The following REV3L variants were observed in gnomAD, a reference collection of about 807,000 sequenced individuals.
The protein encoded by REV3L is DNA polymerase zeta catalytic subunit.
Under a neutral mutation model 299.4 loss-of-function variants are expected in REV3L, and 69 were observed. That is an observed-to-expected ratio of 0.23 (90% CI 0.19 to 0.28). The LOEUF (loss-of-function observed/expected upper bound fraction) is 0.28, where lower values mean the gene tolerates loss of function less well. REV3L is among the 10% of genes least tolerant of loss of function. The probability of loss-of-function intolerance (pLI) is 1.00; values close to 1 mark genes in which losing one functional copy is unlikely to be tolerated. For synonymous variants in REV3L, 1,238 were observed against 1,271.4 expected (o/e 0.97, Z 0.56); for missense variants, 3,128 against 3,693.8 (o/e 0.85, Z 3.97).
intron 16 of REV3L, among the ~76,000 whole-genome samples, chr6:111,363,027 A>T (rs745995379): frequency 6.6e-6 from 1 of 152,194 alleles, no homozygotes; most frequent in African/African-American, 2.4e-5. Flanking sequence ...TGTTTTCTGC[A>T]TACAAATAAA....
chr6:111,375,354 C>T lies in REV3L; in HGVS notation c.3001G>A (p.Glu1001Lys), dbSNP rs765298342. The T allele has an allele frequency of 6.9e-5, 109 of 1,585,718 alleles. No individual in the cohort carries two copies. The highest frequency in any genetic ancestry group is 9.1e-5 in the Non-Finnish European group (107 of 1,171,808). ...TCTTCTGTTAATATTACTTGTTTTT[C>T]TTTAGAGTCTATTTTTCCTAGCTTC... ...LVKLGKIDSK[E>K]KQVILTEEKM... The change falls in exon 13 of 32, where the codon GAA becomes AAA. Residue 1001 changes from glutamate (E) to lysine (K), a missense_variant. This residue lies in a region of REV3L where 2,409 missense variants were observed against 2,611.8 expected (regional missense o/e 0.92). Transcript: ENST00000368802.
chr6:111,372,208 A>T (rs1190990433), intron 13 of REV3L, among the ~76,000 whole-genome samples: 1 of 152,230 alleles, frequency 6.6e-6, no homozygotes, highest in East Asian at 1.9e-4. Flanking sequence ...CTTGAAAATG[A>T]AGTTCTTTTA....
intron 1 of REV3L, among the ~76,000 whole-genome samples, chr6:111,436,898 A>G (rs1190702674): frequency 1.3e-5 from 2 of 152,230 alleles, no homozygotes; most frequent in African/African-American, 4.8e-5. Context: ...CCCCAAACAT[A>G]TGTACATCTA....
At chr6:111,316,115 A>C (rs911824131) in intron 26 of REV3L, among the ~76,000 whole-genome samples, 1 of 151,870 alleles carries the variant, frequency 6.6e-6, no homozygotes, top group Non-Finnish European at 1.5e-5. Context: ...GCATGTGCCT[A>C]TAATCCCAGC....
chr6:111,301,097 G>C (rs1771463628), intron 31 of REV3L, among the ~76,000 whole-genome samples: 1 of 151,790 alleles, frequency 6.6e-6, no homozygotes, highest in South Asian at 2.1e-4. Flanking sequence ...GCCACTCTGG[G>C]AGTGTCTGTC....
chr6:111,455,154 G>A (rs1230931449), intron 1 of REV3L, among the ~76,000 whole-genome samples: 5 of 152,150 alleles, frequency 3.3e-5, no homozygotes, highest in African/African-American at 9.7e-5. Context: ...GTGGCACAAA[G>A]GACTGATATG....
At chr6:111,471,307 G>C (rs1039751230) in intron 1 of REV3L, among the ~76,000 whole-genome samples, 4 of 151,784 alleles carry the variant, frequency 2.6e-5, no homozygotes, top group African/African-American at 7.3e-5. Flanking sequence ...TTCAGGTCCT[G>C]ATGGACCACT....
At chr6:111,483,605 G>A (rs912836971), upstream of REV3L, 17 of 449,276 alleles carry the variant, frequency 3.8e-5, no homozygotes, top group Admixed American at 3.7e-4. Flanking sequence ...TTGCCTCGCC[G>A]ACCGCCATTT....
chr6:111,307,804 T>A (rs947201896), intron 30 of REV3L: 37 of 493,802 alleles, frequency 7.5e-5, no homozygotes, highest in Middle Eastern at 5.5e-4. Context: ...ACATTTTTTT[T>A]TTATTATTAT....
intron 26 of REV3L, among the ~76,000 whole-genome samples, chr6:111,319,111 A>G (rs1263218411): frequency 7.4e-6 from 1 of 135,408 alleles, no homozygotes; most frequent in Non-Finnish European, 1.6e-5. Context: ...CATGTTGTTA[A>G]AAATTATAAT....
chr6:111,446,960 T>C (rs1484930554), intron 1 of REV3L, among the ~76,000 whole-genome samples: 3 of 152,182 alleles, frequency 2.0e-5, no homozygotes, highest in African/African-American at 7.2e-5. Flanking sequence ...TTCTTTACCT[T>C]AACTAATGAC....
chr6:111,310,858 CAT>C (rs1327803181), intron 29 of REV3L: 11 of 416,442 alleles, frequency 2.6e-5, no homozygotes, highest in East Asian at 1.4e-4. Context: ...AATTTCTTTG[CAT>C]AAGTTTCTGA....
chr6:111,422,137 C>T (rs562178193), intron 1 of REV3L, among the ~76,000 whole-genome samples: 1 of 152,086 alleles, frequency 6.6e-6, no homozygotes, highest in African/African-American at 2.4e-5. Context: ...TGAGGTATGA[C>T]TAACAATAGT....
intron 1 of REV3L, among the ~76,000 whole-genome samples, chr6:111,471,714 G>A (rs1013060016): frequency 6.6e-6 from 1 of 152,186 alleles, no homozygotes; most frequent in Admixed American, 6.5e-5. Flanking sequence ...AGCAACAGAA[G>A]GCAGTGGGGT....
intron 1 of REV3L, among the ~76,000 whole-genome samples, chr6:111,461,453 A>G (rs1284430227): frequency 6.6e-6 from 1 of 152,152 alleles, no homozygotes; most frequent in Non-Finnish European, 1.5e-5. Flanking sequence ...AGAAGTTAAT[A>G]AAGTAAAAGT....
intron 1 of REV3L, among the ~76,000 whole-genome samples, chr6:111,465,369 C>A (rs1484700096): frequency 6.6e-6 from 1 of 151,626 alleles, no homozygotes; most frequent in African/African-American, 2.4e-5. Flanking sequence ...GCATGAGCCA[C>A]AGCACCCAGC....
chr6:111,414,196 T>C (rs1473443102), intron 2 of REV3L, among the ~76,000 whole-genome samples: 3 of 151,952 alleles, frequency 2.0e-5, no homozygotes, highest in Admixed American at 1.3e-4. Flanking sequence ...AAAACAGTAA[T>C]AATAATAATG....
chr6:111,414,256 C>T (rs947626649), intron 2 of REV3L, among the ~76,000 whole-genome samples: 4 of 152,084 alleles, frequency 2.6e-5, no homozygotes, highest in African/African-American at 9.7e-5. Context: ...GAAAACTTCT[C>T]TGAAGAGGTC....
chr6:111,341,532 T>C (rs1447997827), intron 21 of REV3L, among the ~76,000 whole-genome samples: 1 of 152,208 alleles, frequency 6.6e-6, no homozygotes, highest in Non-Finnish European at 1.5e-5. Context: ...CTCACCACCA[T>C]ACAGCCTTAC....
Sources: allele counts gnomAD v4.1 joint callset (sites outside exome capture counted in the v4.1 genomes callset), GRCh38; gene constraint gnomAD v4.1.1; regional missense constraint gnomAD v4.1.1; transcripts MANE v1.5; gene names NCBI Gene and HGNC (gene_info 2026-07-23, HGNC 2026-07-21).